Variants in MARF1 observed in about 807,000 individuals in gnomAD.
The protein encoded by MARF1 is meiosis regulator and mRNA stability factor 1, also known as limkain-b1.
MARF1 carries 24 observed loss-of-function variants against 168.2 expected under a neutral mutation model. The ratio of observed to expected loss-of-function variants is 0.14; its 90% confidence interval spans 0.10 to 0.20. The LOEUF is 0.20. Ranked by LOEUF, MARF1 falls within the 10% of genes least tolerant of loss-of-function variation. The pLI is 1.00. For synonymous variants in MARF1, 868 were observed against 822.4 expected, an observed-to-expected ratio of 1.06 and a Z score of -0.95; for missense variants, 1,744 against 2,143.6, an observed-to-expected ratio of 0.81 and a Z score of 3.68.
chr16:15,634,761 T>C lies in MARF1; in HGVS notation c.1002A>G (p.Lys334=). ...TTATGCCATACTGTCATTTACCAAATTTTGAAGCAGCTTTGCCTAGACTGG... is the reference window on the plus strand; with the variant it reads ...TTATGCCATACTGTCATTTACCAAACTTTGAAGCAGCTTTGCCTAGACTGG... The part of the protein sequence containing the change: ...LATSLGKAAS[K]FGSPEVAVAG... Residue 334 remains lysine (K), a synonymous_variant, in exon 4 of 27, where the codon AAA becomes AAG. Coordinates refer to ENST00000396368, the MANE Select transcript of MARF1 (RefSeq NM_014647.4). 1 of 1,608,652 alleles carries C rather than the reference T, an allele frequency of 6.2e-7. No individual in the cohort carries two copies.
At chr16:15,614,333 A>T (rs185082769) in intron 16 of MARF1, among the ~76,000 whole-genome samples, 2 of 150,246 alleles carry the variant, frequency 1.3e-5, no homozygotes, top group African/African-American at 4.9e-5. Flanking sequence ...ATACAAAAAA[A>T]ATAGCCGGGC....
intron 16 of MARF1, among the ~76,000 whole-genome samples, chr16:15,614,872 C>T (rs1423358100): frequency 6.6e-6 from 1 of 152,122 alleles, no homozygotes; most frequent in Non-Finnish European, 1.5e-5. Flanking sequence ...ACAACCTCTA[C>T]CTCCTGGGTT....
intron 16 of MARF1, among the ~76,000 whole-genome samples, chr16:15,613,640 A>C (rs7186673): frequency 0.71 from 105,420 of 149,338 alleles, 37,816 homozygotes; most frequent in African/African-American, 0.85. Flanking sequence ...CCAGCCTGGG[A>C]CACAGAGCGA....
chr16:15,597,443 T>C (rs2031846292), intron 26 of MARF1, among the ~76,000 whole-genome samples: 1 of 152,182 alleles, frequency 6.6e-6, no homozygotes, highest in Non-Finnish European at 1.5e-5. Context: ...AGAGTGAGAA[T>C]TACCCTCAGA....
chr16:15,631,271 T>C (rs952515036), intron 6 of MARF1, 110 bp downstream of exon 6: 22 of 725,516 alleles, frequency 3.0e-5, no homozygotes, highest in Admixed American at 2.4e-4. Flanking sequence ...ACATGTCTCA[T>C]GTACTTCAGC....
At chr16:15,641,608 T>C (rs1346377246) in intron 1 of MARF1, among the ~76,000 whole-genome samples, 1 of 152,202 alleles carries the variant, frequency 6.6e-6, no homozygotes, top group Non-Finnish European at 1.5e-5. Flanking sequence ...ACAAGGAATA[T>C]AATGATGAAA....
chr16:15,596,770 T>C lies in MARF1; in HGVS notation c.5152A>G (p.Ser1718Gly). 1 of 1,612,708 alleles carries C rather than the reference T, an allele frequency of 6.2e-7. No homozygotes were observed. The highest frequency in any genetic ancestry group is 8.5e-7 in the Non-Finnish European group (1 of 1,178,918). The change falls in exon 27 of 27, where the codon AGC becomes GGC. Residue 1718 changes from serine to glycine, a missense_variant. Transcript: ENST00000396368. ...ESLLSKDPVE[S>G]PAKKQPKNRV... ...TTTTTGGGTTGCTTTTTGGCCGGGC[T>C]TTCCACGGGGTCCTTGCTGAGCAGT...
chr16:15,600,925 A>G, intron 23 of MARF1: 1 of 700,380 alleles, frequency 1.4e-6, no homozygotes, highest in South Asian at 1.5e-5. Flanking sequence ...ATCATGAGAC[A>G]CAGTTTCAGA....
chr16:15,605,750 A>G (rs12918781), intron 21 of MARF1: 8,817 of 152,288 alleles, frequency 0.058, 446 homozygotes, highest in East Asian at 0.16. Flanking sequence ...AGAAGCTCCC[A>G]GGAGACCCAG....
intron 23 of MARF1, chr16:15,601,252 C>T (rs1262773714): frequency 8.2e-6 from 3 of 367,792 alleles, no homozygotes; most frequent in African/African-American, 4.3e-5. Flanking sequence ...TGCCTGGGTC[C>T]TTCCTACTTC....
chr16:15,612,391 G>T (rs977877774), intron 17 of MARF1, among the ~76,000 whole-genome samples, 166 bp downstream of exon 17: 2 of 152,228 alleles, frequency 1.3e-5, no homozygotes, highest in Non-Finnish European at 2.9e-5. Context: ...CTGAAAAATT[G>T]AGAAGCCGCC....
rs1185312292 is a variant in MARF1 at position 15,608,426 on chromosome 16, G to C, written c.4047C>G (p.Ser1349=). Residue 1349 remains serine (S), a synonymous_variant, in exon 21 of 27, where the codon TCC becomes TCG. Transcript: ENST00000396368. ...TCATCATAAGGCAGTTATCTTTTTG[G>C]GACCGAAGGAGTTTAACAAACTGGG... ...LAAQFVKLLR[S]QKDNCLMMTD... 8.7e-6 allele frequency: 14 copies of C among 1,613,888 alleles called. No homozygotes were observed. The highest frequency in any genetic ancestry group is 1.1e-5 in the Non-Finnish European group (13 of 1,179,968).
At chr16:15,609,470 T>C (rs2033326792) in intron 20 of MARF1, 53 bp downstream of exon 20, 3 of 1,453,764 alleles carry the variant, frequency 2.1e-6, no homozygotes, top group Non-Finnish European at 2.9e-6. Flanking sequence ...AAAAAGTATT[T>C]CCTATACGTT....
At chr16:15,617,605 T>C in intron 13 of MARF1, 70 bp from the exon 14 acceptor site, 2 of 1,015,080 alleles carry the variant, frequency 2.0e-6, no homozygotes, top group South Asian at 2.9e-5. Flanking sequence ...ACGCATCCTG[T>C]TTAAATAAAG....
intron 19 of MARF1, chr16:15,610,221 G>A (rs1399980475): frequency 6.5e-6 from 1 of 153,772 alleles, no homozygotes; most frequent in African/African-American, 2.4e-5. Context: ...GAAAGCTTAA[G>A]CTGAGATTGT....
intron 2 of MARF1, among the ~76,000 whole-genome samples, chr16:15,637,937 C>T (rs1353534626): frequency 6.6e-6 from 1 of 152,102 alleles, no homozygotes; most frequent in Admixed American, 6.6e-5. Context: ...GAGGCCGAGG[C>T]GGGTGGATCA....
At chr16:15,598,364 C>T (rs996895277) in intron 26 of MARF1, among the ~76,000 whole-genome samples, 2 of 152,200 alleles carry the variant, frequency 1.3e-5, no homozygotes, top group African/African-American at 4.8e-5. Context: ...CCAATGCCTG[C>T]ACTAGGCTGG....
At chr16:15,609,902 C>T (rs959942095) in intron 19 of MARF1, among the ~76,000 whole-genome samples, 177 bp from the exon 20 acceptor site, 1 of 152,300 alleles carries the variant, frequency 6.6e-6, no homozygotes, top group African/African-American at 2.4e-5. Flanking sequence ...GGTTCTCAAA[C>T]ATGTTCCAGG....
intron 13 of MARF1, 66 bp from the exon 14 acceptor site, chr16:15,617,601 C>A: frequency 9.5e-7 from 1 of 1,047,718 alleles, no homozygotes; most frequent in Non-Finnish European, 1.4e-6. Flanking sequence ...AAACACGCAT[C>A]CTGTTTAAAT....
Sources: allele counts gnomAD v4.1 joint callset (sites outside exome capture counted in the v4.1 genomes callset), GRCh38; gene constraint gnomAD v4.1.1; transcripts MANE v1.5; gene names NCBI Gene and HGNC (gene_info 2026-07-23, HGNC 2026-07-21).